TACR1: variants seen among roughly 807,000 people sequenced by gnomAD.
TACR1 encodes tachykinin receptor 1.
Under a neutral mutation model 35.8 loss-of-function variants are expected in TACR1, and 25 were observed. The ratio of observed to expected loss-of-function variants is 0.70; its 90% CI spans 0.51 to 0.98. The LOEUF is 0.98. TACR1 is among the 50% of genes least tolerant of loss of function. The pLI is 0.00. For synonymous variants in TACR1, 195 were observed against 206.7 expected, an observed-to-expected ratio of 0.94 and a Z score of 0.48; for missense variants, 478 against 522.9, an observed-to-expected ratio of 0.91 and a Z score of 0.84.
chr2:75,154,771 C>A (rs1219145483), intron 1 of TACR1, among the ~76,000 whole-genome samples: 1 of 151,908 alleles, frequency 6.6e-6, no homozygotes, highest in Non-Finnish European at 1.5e-5. Context: ...ATCTACCCTG[C>A]ATCCCTGCTG....
chr2:75,067,658 A>T (rs992088301), intron 2 of TACR1, among the ~76,000 whole-genome samples: 15 of 152,200 alleles, frequency 9.9e-5, no homozygotes, highest in African/African-American at 3.6e-4. Context: ...CTGTTAAGGT[A>T]ATGTTTAACA....
At chr2:75,149,704 CT>C (rs1448473651) in intron 1 of TACR1, among the ~76,000 whole-genome samples, 1 of 152,136 alleles carries the variant, frequency 6.6e-6, no homozygotes. Flanking sequence ...ATTTGACTTC[CT>C]CTTTTCCTGC....
rs1041132136 is a variant in TACR1, at chr2:75,136,373, A to G, written c.390-15605T>C. ...AGTGTATTAACAAAAACAAAAACTCATCTGCCAAGCCACCTGAGTCAGAAA... is the reference window on the plus strand; with the variant it reads ...AGTGTATTAACAAAAACAAAAACTCGTCTGCCAAGCCACCTGAGTCAGAAA... On this transcript the variant is annotated intron_variant, in intron 1 of 4. Transcript: ENST00000305249. 8.5e-5 allele frequency among the ~76,000 whole-genome samples: 13 copies of G among 152,206 alleles called. No homozygotes were observed. The East Asian group carries it at 1.3e-3, about 16-fold the overall frequency.
intron 2 of TACR1, among the ~76,000 whole-genome samples, chr2:75,084,622 T>G (rs929984997): frequency 6.6e-6 from 1 of 152,232 alleles, no homozygotes; most frequent in African/African-American, 2.4e-5. Context: ...ATTGGTCTAT[T>G]CAGAGATTCA....
intron 2 of TACR1, among the ~76,000 whole-genome samples, chr2:75,075,518 C>G (rs1424570710): frequency 1.3e-5 from 2 of 152,106 alleles, no homozygotes; most frequent in Non-Finnish European, 2.9e-5. Flanking sequence ...TTACTTGTTT[C>G]AAATTATTAT....
At chr2:75,106,416 A>C (rs180841119) in intron 2 of TACR1, among the ~76,000 whole-genome samples, 21 of 152,140 alleles carry the variant, frequency 1.4e-4, no homozygotes, top group Admixed American at 1.2e-3. Flanking sequence ...TGAGAGAATG[A>C]AAAAGGTAAA....
chr2:75,067,644 G>T (rs867604626), intron 2 of TACR1, among the ~76,000 whole-genome samples: 2 of 152,206 alleles, frequency 1.3e-5, no homozygotes, highest in Admixed American at 1.3e-4. Flanking sequence ...CCACACAAAG[G>T]ACTCTGTTAA....
At chr2:75,194,637 A>G (rs1174448585) in intron 1 of TACR1, among the ~76,000 whole-genome samples, 1 of 152,144 alleles carries the variant, frequency 6.6e-6, no homozygotes, top group Non-Finnish European at 1.5e-5. Flanking sequence ...TTTTTGTTCT[A>G]GGTTCCTCTT....
At chr2:75,171,159 A>G (rs1675272562) in intron 1 of TACR1, among the ~76,000 whole-genome samples, 2 of 152,216 alleles carry the variant, frequency 1.3e-5, no homozygotes, top group South Asian at 2.1e-4. Context: ...GGGCTGGGCC[A>G]GGGGCCTTGC....
At chr2:75,142,581 G>A (rs1325106626) in intron 1 of TACR1, among the ~76,000 whole-genome samples, 2 of 152,174 alleles carry the variant, frequency 1.3e-5, no homozygotes, top group African/African-American at 4.8e-5. Context: ...TTGAGTGCCA[G>A]GAACTGTGCA....
chr2:75,152,464 G>A (rs1674695504), intron 1 of TACR1, among the ~76,000 whole-genome samples: 1 of 152,192 alleles, frequency 6.6e-6, no homozygotes. Flanking sequence ...CCGCTGCCAA[G>A]TAAGAAGTGT....
At chr2:75,147,631 A>G (rs540426878) in intron 1 of TACR1, among the ~76,000 whole-genome samples, 5 of 151,464 alleles carry the variant, frequency 3.3e-5, no homozygotes, top group African/African-American at 7.3e-5. Flanking sequence ...TCATTGTTCA[A>G]CTCCAACTTA....
intron 1 of TACR1, among the ~76,000 whole-genome samples, chr2:75,122,246 C>T (rs1296587295): frequency 1.3e-5 from 2 of 152,252 alleles, no homozygotes; most frequent in East Asian, 1.9e-4. Context: ...GGAGGGGCTT[C>T]GACAGGTGTG....
At chr2:75,080,025 G>A (rs966250489) in intron 2 of TACR1, among the ~76,000 whole-genome samples, 1 of 152,236 alleles carries the variant, frequency 6.6e-6, no homozygotes. Flanking sequence ...ACAGATCATA[G>A]CACTAGAAGC....
chr2:75,096,748 A>C (rs1258880782), intron 2 of TACR1, among the ~76,000 whole-genome samples: 1 of 152,094 alleles, frequency 6.6e-6, no homozygotes, highest in Admixed American at 6.6e-5. Context: ...TCTGTCAGTG[A>C]CCTTGCCTCC....
chr2:75,138,175 A>G (rs144018010), intron 1 of TACR1, among the ~76,000 whole-genome samples: 77 of 152,312 alleles, frequency 5.1e-4, no homozygotes, highest in African/African-American at 1.5e-3. Context: ...GCCTGATTCA[A>G]ATTCCCCACT....
At chr2:75,074,306 A>G (rs1366869100) in intron 2 of TACR1, among the ~76,000 whole-genome samples, 1 of 152,244 alleles carries the variant, frequency 6.6e-6, no homozygotes, top group African/African-American at 2.4e-5. Context: ...GACAACAGGG[A>G]TTCCTGTCAC....
intron 1 of TACR1, among the ~76,000 whole-genome samples, chr2:75,136,558 G>T (rs897339890): frequency 8.6e-5 from 13 of 152,022 alleles, no homozygotes; most frequent in Non-Finnish European, 1.8e-4. Flanking sequence ...GGTGGAACTG[G>T]GCTGCCTTCC....
intron 1 of TACR1, chr2:75,187,458 T>G (rs1420325582): frequency 6.6e-6 from 1 of 152,206 alleles, no homozygotes; most frequent in Admixed American, 6.5e-5. Context: ...CTGTATTACC[T>G]AAACTCCGGC....
Sources: allele counts gnomAD v4.1 joint callset (sites outside exome capture counted in the v4.1 genomes callset), GRCh38; gene constraint gnomAD v4.1.1; transcripts MANE v1.5; gene names NCBI Gene and HGNC (gene_info 2026-07-23, HGNC 2026-07-21).